Variants in METTL17 observed in about 807,000 individuals in gnomAD.
METTL17 encodes methyltransferase like 17.
In METTL17, 49 loss-of-function variants were observed where a neutral mutation model predicts 59.4. The observed-to-expected ratio is 0.82, with a 90% confidence interval of 0.66 to 1.05. METTL17 has a LOEUF of 1.05. METTL17 is among the 50% of genes least tolerant of loss of function. The pLI is 0.00. For synonymous variants in METTL17, 208 were observed against 209.2 expected, an observed-to-expected ratio of 0.99 and a Z score of 0.05; for missense variants, 555 against 578.4, an observed-to-expected ratio of 0.96 and a Z score of 0.41.
At chr14:20,990,650 A>G in intron 3 of METTL17, 52 bp downstream of exon 3, 2 of 1,601,386 alleles carry the variant, frequency 1.2e-6, no homozygotes, top group South Asian at 2.2e-5. Context: ...ATCGGTTAGA[A>G]ATGAAGAGTA....
chr14:20,992,013 A>C (rs1880052423), intron 3 of METTL17, 111 bp from the exon 4 acceptor site: 1 of 959,276 alleles, frequency 1.0e-6, no homozygotes, highest in Non-Finnish European at 1.6e-6. Context: ...TTGAGCTTTA[A>C]GGCTTTTCTT....
At position 20,996,577 on chromosome 14, in the gene METTL17, G is replaced by T. The variant is rs200202996; in HGVS notation, c.1131G>T (p.Gly377=). The T allele has an allele frequency of 3.7e-6, 6 of 1,614,164 alleles. No homozygotes were observed. The East Asian group carries it at 8.9e-5, about 24-fold the overall frequency. The change falls in exon 13 of 14, where the codon GGG becomes GGT. Residue 377 remains glycine (G), a synonymous_variant. Transcript: ENST00000339374. ...TCTCTATGGTGATCCTTGCTCGGGGGTCTCCAGAGGAGGCTCATCGCTGGC... is the reference window on the plus strand; with the variant it reads ...TCTCTATGGTGATCCTTGCTCGGGGTTCTCCAGAGGAGGCTCATCGCTGGC... ...EKFSMVILAR[G]SPEEAHRWPR... is the part of the protein sequence containing the mutation.
chr14:20,995,614 T>C (rs1880323169), intron 10 of METTL17, among the ~76,000 whole-genome samples: 1 of 152,144 alleles, frequency 6.6e-6, no homozygotes, highest in African/African-American at 2.4e-5. Flanking sequence ...TATGAGCCAG[T>C]GTATAATCAT....
intron 6 of METTL17, 96 bp downstream of exon 6, chr14:20,993,287 A>G: frequency 2.0e-6 from 2 of 992,332 alleles, no homozygotes; most frequent in Non-Finnish European, 3.2e-6. Flanking sequence ...AACCAGAGGG[A>G]GAATAGGCAA....
At chr14:20,993,476 C>CCT in intron 6 of METTL17, 1 of 367,510 alleles carries the variant, frequency 2.7e-6, no homozygotes, top group Middle Eastern at 7.7e-4. Context: ...TTGAGTCTAC[C>CCT]TTTTTTTTTT....
At chr14:20,991,781 A>C (rs2138734064) in intron 3 of METTL17, 1 of 224,824 alleles carries the variant, frequency 4.4e-6, no homozygotes, top group South Asian at 5.5e-5. Context: ...CGCCTGCCTC[A>C]GCCTCCCAAA....
At chr14:20,992,881 A>G (rs1437512952) in intron 5 of METTL17, 1 of 592,824 alleles carries the variant, frequency 1.7e-6, no homozygotes, top group South Asian at 2.1e-5. Context: ...GTGAGACCTC[A>G]TCTCTTAAAA....
At position 20,993,097 on chromosome 14, in the gene METTL17, G is replaced by A. The variant is rs145075571; in HGVS notation, c.529-21G>A. On this transcript the variant is annotated intron_variant, in intron 5 of 13. Transcript: ENST00000339374. ...ATAAGTATCTAATTACCCTACTGTG[G>A]GATGTTGTATATTTCTTCAGATCCG... 3.0e-3 allele frequency: 4,873 copies of A among 1,609,440 alleles called. 66 individuals are homozygous for A. In the African/African-American group the frequency reaches 0.036, roughly 12 times the overall value.
rs768929311 is a variant in METTL17, at chr14:20,994,053, A to G, written c.687A>G (p.Lys229=). 3.1e-6 allele frequency: 5 copies of G among 1,613,704 alleles called. No individual in the cohort carries two copies. In the South Asian group the frequency reaches 4.4e-5, roughly 14 times the overall value. Residue 229 remains lysine, a synonymous_variant, in exon 7 of 14, where the codon AAA becomes AAG. Coordinates refer to ENST00000339374, the MANE Select transcript of METTL17 (RefSeq NM_022734.3). ...RSAAMLVLAE[K]LLKGGSESGE... ...CTGCCATGTTGGTTTTGGCAGAAAA[A>G]CTACTGAAAGGTGAGTGCAAGAGCA...
In METTL17 at chr14:20,996,696, C is replaced by T; in HGVS notation, c.1250C>T (p.Ala417Val). 1.1e-5 allele frequency: 18 copies of T among 1,614,212 alleles called. No homozygotes were observed. The highest frequency in any genetic ancestry group is 1.4e-5 in the Non-Finnish European group (17 of 1,180,042). ...CACATGCAGCATGCTGTGCTCACAG[C>T]CCGCCGGCACGGCAGGTATGGGGGG... ...DGHMQHAVLT[A>V]RRHGRDLYRC... The change falls in exon 13 of 14, where the codon GCC becomes GTC. Residue 417 changes from alanine to valine, a missense_variant. Coordinates refer to ENST00000339374, the MANE Select transcript of METTL17 (RefSeq NM_022734.3).
chr14:20,993,252 C>T, intron 6 of METTL17, 61 bp downstream of exon 6: 2 of 1,361,352 alleles, frequency 1.5e-6, no homozygotes, highest in Admixed American at 3.4e-5. Context: ...CATACTTACA[C>T]CACTCCAAAA....
chr14:20,996,439 A>G, intron 12 of METTL17, 88 bp from the exon 13 acceptor site: 1 of 1,511,842 alleles, frequency 6.6e-7, no homozygotes, highest in Non-Finnish European at 9.0e-7. Context: ...ATTGTAAAAA[A>G]GGACTGCAGG....
rs866408428 is a variant in METTL17 at position 20,990,514 on chromosome 14, C to T, written c.280C>T (p.Leu94Phe). The change falls in exon 3 of 14, where the codon CTC becomes TTC. Residue 94 changes from leucine (L) to phenylalanine (F), a missense_variant. Physicochemically the swap from Leu to Phe is conservative, Grantham distance 22. Coordinates refer to ENST00000339374, the MANE Select transcript of METTL17 (RefSeq NM_022734.3). ...TCAGGTGCAAACACTGACCAGTTAT[C>T]TCTGGAGCAGACATTTGCCTGTAGA... ...ENQVQTLTSY[L>F]WSRHLPVEPE... is the part of the protein sequence containing the mutation. The T allele has an allele frequency of 1.7e-5, 28 of 1,614,104 alleles. No homozygotes were observed. The Admixed American group carries it at 1.8e-4, about 11-fold the overall frequency.
intron 5 of METTL17, 195 bp downstream of exon 5, chr14:20,992,817 A>G: frequency 8.2e-6 from 5 of 610,376 alleles, no homozygotes; most frequent in Middle Eastern, 4.1e-4. Context: ...TGCTTGAGCC[A>G]GTTTGAGGCT....
At position 20,994,284 on chromosome 14, in the gene METTL17, T is replaced by C. The variant is rs929094350; in HGVS notation, c.697+221T>C. On this transcript the variant is annotated intron_variant, in intron 7 of 13. Transcript: ENST00000339374. ...AGGAGGCCTAATATTCTCCCTGCCC[T>C]TTTTTTTTTTTTTTTAATTAGAGGT... Among the ~76,000 whole-genome samples the C allele has an allele frequency of 5.5e-3, 700 of 126,730 alleles. 19 individuals are homozygous for C. Among genetic ancestry groups the C allele is most frequent in the Non-Finnish European group, 7.9e-4 (50 of 63,094 alleles). 83.1% of individuals were successfully genotyped at this position (126,730 alleles called of 152,430 possible).
chr14:20,996,306 G>A lies in METTL17; in HGVS notation c.1080+14G>A, dbSNP rs759899465. ...CCCTTCAGCTGGGTAGGTACCTGGGGATATTGCAGCAGGAAGCAAACATCC... is the reference window on the plus strand; with the variant it reads ...CCCTTCAGCTGGGTAGGTACCTGGGAATATTGCAGCAGGAAGCAAACATCC... On this transcript the variant is annotated intron_variant, in intron 12 of 13. Coordinates refer to ENST00000339374, the MANE Select transcript of METTL17 (RefSeq NM_022734.3). The A allele has an allele frequency of 4.3e-6, 7 of 1,610,256 alleles. No individual in the cohort carries two copies. The highest frequency in any genetic ancestry group is 2.2e-5 in the South Asian group (2 of 90,668).
intron 8 of METTL17, 24 bp downstream of exon 8, chr14:20,994,637 T>C (rs759217316): frequency 6.2e-7 from 1 of 1,609,066 alleles, no homozygotes; most frequent in South Asian, 1.1e-5. Flanking sequence ...TTTAGAATAT[T>C]CTAAATGTGG....
chr14:20,990,251 G>T lies in METTL17; in HGVS notation c.97G>T (p.Gly33Ter). ...GCAGGCGCTCGCCGCCTTAGTACCCGGAGTGACCCAGGTAGATAACAAGTC... is the reference window on the plus strand; with the variant it reads ...GCAGGCGCTCGCCGCCTTAGTACCCTGAGTGACCCAGGTAGATAACAAGTC... ...QARALAALVP[G>*]VTQVDNKSGF... The change falls in exon 2 of 14, where the codon GGA becomes TGA. Residue 33 changes from glycine to a stop codon, truncating the protein, a stop_gained. Transcript: ENST00000339374. LOFTEE classifies it high-confidence loss of function. 2.5e-6 allele frequency: 4 copies of T among 1,614,212 alleles called. No individual in the cohort carries two copies.
At position 20,996,507 on chromosome 14, in the gene METTL17, C is replaced by A; in HGVS notation, c.1081-20C>A. 6.3e-7 allele frequency: 1 copy of A among 1,598,882 alleles called. No individual in the cohort carries two copies. On this transcript the variant is annotated intron_variant, in intron 12 of 13. Transcript: ENST00000339374. ...CCCATATCTTTTTCTTCTAAACAGTCTCTATGTTCCTTATCTTAGAACAAG... is the reference window on the plus strand; with the variant it reads ...CCCATATCTTTTTCTTCTAAACAGTATCTATGTTCCTTATCTTAGAACAAG...
Sources: gnomAD v4.1 joint callset for allele counts (sites outside exome capture counted in the v4.1 genomes callset) on GRCh38, gnomAD v4.1.1 for gene constraint, MANE v1.5 for transcripts, NCBI Gene and HGNC (gene_info 2026-07-23, HGNC 2026-07-21) for gene names.